THRB: variants seen among roughly 807,000 people sequenced by gnomAD.
THRB encodes the protein thyroid hormone receptor beta.
A neutral mutation model predicts 47.8 loss-of-function variants in THRB; 12 were observed. The ratio of observed to expected loss-of-function variants is 0.25; its 90% confidence interval spans 0.16 to 0.41. The LOEUF is 0.41. THRB is among the 10% of genes least tolerant of loss of function. THRB has a pLI of 1.00. For synonymous variants in THRB, 218 were observed against 212.2 expected (o/e 1.03, Z -0.24); for missense variants, 348 against 589.2 (o/e 0.59, Z 4.24).
intron 1 of THRB, chr3:24,455,002 A>G (rs953575899): frequency 6.6e-5 from 10 of 152,154 alleles, no homozygotes; most frequent in East Asian, 3.9e-4. Context: ...AACAATTGAC[A>G]AGGATGAAGT....
At chr3:24,407,261 T>A (rs541449517) in intron 1 of THRB, among the ~76,000 whole-genome samples, 2 of 151,928 alleles carry the variant, frequency 1.3e-5, no homozygotes, top group East Asian at 2.0e-4. Flanking sequence ...TCCATGTACA[T>A]GTCAACTTTC....
intron 2 of THRB, among the ~76,000 whole-genome samples, chr3:24,303,894 G>A (rs1394423073): frequency 6.6e-6 from 1 of 151,990 alleles, no homozygotes; most frequent in Non-Finnish European, 1.5e-5. Context: ...CAAATATTTC[G>A]ATAGATTTCC....
intron 2 of THRB, among the ~76,000 whole-genome samples, chr3:24,304,382 C>T (rs1332359576): frequency 1.3e-5 from 2 of 151,598 alleles, no homozygotes; most frequent in African/African-American, 4.8e-5. Context: ...AAAGCAATAG[C>T]TAGTAAATCT....
intron 3 of THRB, among the ~76,000 whole-genome samples, chr3:24,253,840 A>G (rs1000242907): frequency 6.6e-6 from 1 of 152,124 alleles, no homozygotes; most frequent in African/African-American, 2.4e-5. Context: ...TTTGAAAACA[A>G]ACACAGCAGA....
chr3:24,493,328 C>T (rs1189706178), intron 1 of THRB, among the ~76,000 whole-genome samples: 1 of 152,218 alleles, frequency 6.6e-6, no homozygotes, highest in Non-Finnish European at 1.5e-5. Context: ...CTTTGCAGTG[C>T]ATTGCATGCT....
At chr3:24,476,003 C>T (rs901669454) in intron 1 of THRB, among the ~76,000 whole-genome samples, 11 of 152,228 alleles carry the variant, frequency 7.2e-5, no homozygotes, top group African/African-American at 2.7e-4. Context: ...CCTGAGGGCA[C>T]AGTTGGGAAG....
At chr3:24,228,335 C>T (rs1382482652) in intron 4 of THRB, among the ~76,000 whole-genome samples, 2 of 152,168 alleles carry the variant, frequency 1.3e-5, no homozygotes, top group East Asian at 3.8e-4. Flanking sequence ...TTATAACTGA[C>T]TTATACCTTA....
intron 2 of THRB, among the ~76,000 whole-genome samples, chr3:24,315,500 C>T (rs115258545): frequency 2.9e-3 from 439 of 152,296 alleles, no homozygotes; most frequent in African/African-American, 0.01. Context: ...TGCCACATAA[C>T]GCACCCAGGC....
chr3:24,335,518 C>A (rs2062193349), intron 2 of THRB, among the ~76,000 whole-genome samples: 1 of 152,094 alleles, frequency 6.6e-6, no homozygotes, highest in Non-Finnish European at 1.5e-5. Context: ...TTATTTTCCT[C>A]TTTGTTTTTA....
chr3:24,415,869 G>A (rs146534830), intron 1 of THRB, among the ~76,000 whole-genome samples: 7 of 151,828 alleles, frequency 4.6e-5, no homozygotes, highest in Middle Eastern at 6.8e-3. Context: ...GACAGACTCA[G>A]TTGATACTTA....
intron 10 of THRB, among the ~76,000 whole-genome samples, chr3:24,123,985 A>G (rs1037658419): frequency 6.6e-6 from 1 of 152,202 alleles, no homozygotes; most frequent in African/African-American, 2.4e-5. Context: ...GGCTGCAGAC[A>G]CTTGGCTGAC....
At chr3:24,229,977 T>C (rs2048089100) in intron 3 of THRB, among the ~76,000 whole-genome samples, 1 of 152,188 alleles carries the variant, frequency 6.6e-6, no homozygotes, top group Admixed American at 6.6e-5. Context: ...CTAATACTTG[T>C]CCCACTTATT....
chr3:24,340,991 T>C (rs1356024861), intron 1 of THRB, among the ~76,000 whole-genome samples: 1 of 152,122 alleles, frequency 6.6e-6, no homozygotes, highest in Non-Finnish European at 1.5e-5. Flanking sequence ...CCTGCGTTCC[T>C]TTCAATGATT....
chr3:24,138,993 G>C (rs1299249425), intron 8 of THRB, among the ~76,000 whole-genome samples: 1 of 152,084 alleles, frequency 6.6e-6, no homozygotes, highest in Non-Finnish European at 1.5e-5. Flanking sequence ...TTGCTGTCAG[G>C]GGCTGCTACT....
intron 3 of THRB, among the ~76,000 whole-genome samples, chr3:24,246,207 G>C (rs1396567729): frequency 6.6e-6 from 1 of 152,182 alleles, no homozygotes; most frequent in Admixed American, 6.5e-5. Flanking sequence ...GTTATGCATA[G>C]TTAAGCCTAG....
At chr3:24,164,973 G>T in intron 5 of THRB, 1 of 655,108 alleles carries the variant, frequency 1.5e-6, no homozygotes. Context: ...ACTTTAAAAT[G>T]AAACGAAAAC....
intron 1 of THRB, among the ~76,000 whole-genome samples, chr3:24,472,711 A>T (rs1359503290): frequency 6.6e-6 from 1 of 152,168 alleles, no homozygotes. Flanking sequence ...GAGCTTCCAG[A>T]TTTGGCAGAC....
In THRB at chr3:24,299,886, A is replaced by G. The variant is rs142568983; in HGVS notation, c.-188-2515T>C. ...CAGTGTACTTTTTCAGTGTGTTCCTATTGCTGAAAATACTCCAGGGGAATT... is the reference window on the plus strand; with the variant it reads ...CAGTGTACTTTTTCAGTGTGTTCCTGTTGCTGAAAATACTCCAGGGGAATT... On this transcript the variant is annotated intron_variant, in intron 2 of 10. Transcript: ENST00000646209. 8.2e-4 allele frequency among the ~76,000 whole-genome samples: 122 copies of G among 148,504 alleles called. No individual in the cohort carries two copies. In the East Asian group the frequency reaches 0.012, roughly 14 times the overall value.
chr3:24,223,501 G>A (rs2150029903), intron 4 of THRB, among the ~76,000 whole-genome samples: 1 of 152,204 alleles, frequency 6.6e-6, no homozygotes, highest in Admixed American at 6.5e-5. Flanking sequence ...AAATGCTATG[G>A]AACCATATTT....
Sources: gnomAD v4.1 joint callset for allele counts (sites outside exome capture counted in the v4.1 genomes callset) on GRCh38, gnomAD v4.1.1 for gene constraint, MANE v1.5 for transcripts, NCBI Gene and HGNC (gene_info 2026-07-23, HGNC 2026-07-21) for gene names.